TBX1: variants seen among roughly 807,000 people sequenced by gnomAD.
TBX1 encodes the protein T-box transcription factor 1, also known as T-box transcription factor TBX1.
TBX1 carries 16 observed loss-of-function variants against 40.8 expected under a neutral mutation model. The observed-to-expected ratio is 0.39, with a 90% CI of 0.27 to 0.60. The LOEUF (loss-of-function observed/expected upper bound fraction) is 0.60, where lower values mean the gene tolerates loss of function less well. Ranked by LOEUF, TBX1 falls within the 20% of genes least tolerant of loss-of-function variation. The pLI is 0.51. For synonymous variants in TBX1, 403 were observed against 336.8 expected, an observed-to-expected ratio of 1.20 and a Z score of -2.15; for missense variants, 755 against 728.5, an observed-to-expected ratio of 1.04 and a Z score of -0.42.
At chr22:19,760,250 G>A (rs1277742631), upstream of TBX1, among the ~76,000 whole-genome samples, 6 of 146,400 alleles carry the variant, frequency 4.1e-5, no homozygotes, top group African/African-American at 1.5e-4. Flanking sequence ...AAAAAACAAA[G>A]GACATACAAA....
chr22:19,770,666 A>G (rs1936974877), downstream of TBX1, among the ~76,000 whole-genome samples: 1 of 152,170 alleles, frequency 6.6e-6, no homozygotes, highest in African/African-American at 2.4e-5. Flanking sequence ...CAGCTGGGGA[A>G]GTCCATGGGG....
rs1466891363 is a variant in TBX1 at position 19,764,856 on chromosome 22, G to A, written c.712-102G>A. 2.8e-6 allele frequency: 4 copies of A among 1,433,132 alleles called. No homozygotes were observed. In the South Asian group the frequency reaches 4.6e-5, roughly 17 times the overall value. The allele number at this position is 1,433,132 out of a possible 1,614,324, so 88.8% of individuals were successfully genotyped here. A position where few individuals can be genotyped will look rare whatever the true frequency, so the allele number is the denominator to read the frequency against. On this transcript the variant is annotated intron_variant, in intron 3 of 6. Transcript: ENST00000649276. ...TAAGGGTTTTGCCCAACTCATCCAG[G>A]AAACTCATTGCCAACTCAGACCTCA...
At chr22:19,768,953 C>CTTTTTTTTTTTTTTTTTTTTTTTTTT (rs36085623), downstream of TBX1, among the ~76,000 whole-genome samples, 11 of 66,130 alleles carry the variant, frequency 1.7e-4, no homozygotes, top group South Asian at 7.4e-4. Flanking sequence ...TGTTCGCATT[C>CTTTTTTTTTTTTTTTTTTTTTTTTTT]TTTTTTTTTT....
chr22:19,771,617 C>G (rs1244618170), downstream of TBX1, among the ~76,000 whole-genome samples: 4 of 152,240 alleles, frequency 2.6e-5, no homozygotes, highest in Admixed American at 2.0e-4. Context: ...CTCCTCCCGG[C>G]CCCACTGGCA....
At chr22:19,767,815 A>G (rs147791244), downstream of TBX1, among the ~76,000 whole-genome samples, 18 of 152,330 alleles carry the variant, frequency 1.2e-4, no homozygotes, top group East Asian at 3.5e-3. Context: ...CCTGACCGGG[A>G]TGGGGTCATG....
chr22:19,783,271 TG>T, downstream of TBX1: 1 of 501,900 alleles, frequency 2.0e-6, no homozygotes, highest in Non-Finnish European at 3.6e-6. Flanking sequence ...GGCACCAGGA[TG>T]AGGCCAAATG....
upstream of TBX1, among the ~76,000 whole-genome samples, chr22:19,758,843 G>A (rs1045324971): frequency 1.3e-5 from 2 of 152,242 alleles, no homozygotes; most frequent in East Asian, 1.9e-4. Context: ...GGTCTCCAGC[G>A]ACGATAGTGA....
At position 19,764,121 on chromosome 22, in the gene TBX1, T is replaced by C. The variant is rs1398189889; in HGVS notation, c.540-34T>C. ...CGGGTCAAGGCCCTCTGGGTTCACCTCCACATGCACGACCCCACCCCGTGC... is the reference window on the plus strand; with the variant it reads ...CGGGTCAAGGCCCTCTGGGTTCACCCCCACATGCACGACCCCACCCCGTGC... On this transcript the variant is annotated intron_variant, in intron 2 of 6. Transcript: ENST00000649276. The C allele has an allele frequency of 6.2e-6, 10 of 1,611,486 alleles. No homozygotes were observed. The South Asian group carries it at 9.9e-5, about 16-fold the overall frequency.
intron 1 of TBX1, among the ~76,000 whole-genome samples, chr22:19,761,602 C>T (rs1193684575): frequency 1.3e-5 from 2 of 152,016 alleles, no homozygotes; most frequent in African/African-American, 4.8e-5. Flanking sequence ...CAGAAACCGG[C>T]CCGGCTTGGG....
In TBX1 at chr22:19,760,999, C is replaced by CCCGCCG. The variant is rs886038791; in HGVS notation, c.167_172dup (p.Pro56_Pro57dup). 1.1e-6 allele frequency: 1 copy of CCCGCCG among 934,000 alleles called. No individual in the cohort carries two copies. The highest frequency in any genetic ancestry group is 1.3e-6 in the Non-Finnish European group (1 of 786,094). The allele number at this position is 934,000 out of a possible 1,614,324, so 57.9% of individuals were successfully genotyped here. ...CCGACCCGTACGGCCCGCGCGAGCCCCCGCCGCCGCCGCCGCGCTACGACC... is the reference window on the plus strand; with the variant it reads ...CCGACCCGTACGGCCCGCGCGAGCCCCCGCCGCCGCCGCCGCCGCCGCGCTACGACC... On this transcript the variant is annotated inframe_insertion, in exon 1 of 7. Coordinates refer to ENST00000649276, the MANE Select transcript of TBX1 (RefSeq NM_001379200.1).
chr22:19,765,226 C>T, intron 4 of TBX1, 113 bp downstream of exon 4: 1 of 1,506,074 alleles, frequency 6.6e-7, no homozygotes, highest in Non-Finnish European at 9.1e-7. Flanking sequence ...GGCTGTGGTC[C>T]CAGTGGAGCC....
upstream of TBX1, among the ~76,000 whole-genome samples, chr22:19,760,380 A>G (rs1360071289): frequency 2.0e-5 from 3 of 150,548 alleles, no homozygotes; most frequent in South Asian, 4.2e-4. Flanking sequence ...ATAAAGAGAA[A>G]CTACAGAGAT....
At chr22:19,768,156 G>A (rs888422378), downstream of TBX1, among the ~76,000 whole-genome samples, 1 of 152,172 alleles carries the variant, frequency 6.6e-6, no homozygotes, top group Admixed American at 6.5e-5. Flanking sequence ...CAAGATGAAC[G>A]GGAAGTGCAC....
chr22:19,774,536 T>C (rs1937036677), intron 8 of TBX1, among the ~76,000 whole-genome samples: 1 of 152,144 alleles, frequency 6.6e-6, no homozygotes, highest in Admixed American at 6.5e-5. Context: ...CATAGCAGCA[T>C]TACTCAAATA....
At chr22:19,768,896 A>T (rs1415013282), downstream of TBX1, among the ~76,000 whole-genome samples, 1 of 147,136 alleles carries the variant, frequency 6.8e-6, no homozygotes, top group Admixed American at 6.8e-5. Flanking sequence ...GCCATGCAAG[A>T]TGGAGCACCC....
chr22:19,759,802 C>A (rs1936582832), upstream of TBX1: 2 of 1,160,996 alleles, frequency 1.7e-6, no homozygotes, highest in South Asian at 1.3e-5. Flanking sequence ...CTTCTGGCTG[C>A]GATTCTGGGG....
At chr22:19,764,062 T>C (rs2145833614) in intron 2 of TBX1, 93 bp from the exon 3 acceptor site, 1 of 1,456,638 alleles carries the variant, frequency 6.9e-7, no homozygotes, top group East Asian at 2.3e-5. Context: ...GTGGGGAAAC[T>C]TCTCAAAGGC....
At chr22:19,777,648 A>G (rs1268065895) in intron 8 of TBX1, among the ~76,000 whole-genome samples, 1 of 150,634 alleles carries the variant, frequency 6.6e-6, no homozygotes, top group Non-Finnish European at 1.5e-5. Flanking sequence ...GTCTGTTTTG[A>G]CCCATTCTGG....
At chr22:19,770,402 A>C (rs1486129989), downstream of TBX1, among the ~76,000 whole-genome samples, 1 of 152,168 alleles carries the variant, frequency 6.6e-6, no homozygotes, top group Non-Finnish European at 1.5e-5. Flanking sequence ...TGTTTTCAGA[A>C]GACCCCCCCA....
Sources: gnomAD v4.1 joint callset for allele counts (sites outside exome capture counted in the v4.1 genomes callset) on GRCh38, gnomAD v4.1.1 for gene constraint, MANE v1.5 for transcripts, NCBI Gene and HGNC (gene_info 2026-07-23, HGNC 2026-07-21) for gene names.